Variants in SLC9A7 observed in about 807,000 individuals in gnomAD.
SLC9A7 encodes sodium/hydrogen exchanger 7.
SLC9A7 carries 19 observed loss-of-function variants against 52.6 expected under a neutral mutation model. That is an observed-to-expected ratio of 0.36 (90% CI 0.25 to 0.53). SLC9A7 has a LOEUF of 0.53. SLC9A7 is among the 20% of genes least tolerant of loss of function. The pLI is 0.91. For missense variants in SLC9A7, 455 were observed against 597.9 expected, an observed-to-expected ratio of 0.76 and a Z score of 2.49; for synonymous variants, 226 against 252.1, an observed-to-expected ratio of 0.90 and a Z score of 0.98.
At chrX:46,748,404 GA>G (rs1921972575) in intron 1 of SLC9A7, among the ~76,000 whole-genome samples, 1 of 105,295 alleles carries the variant, frequency 9.5e-6, no homozygotes, top group Non-Finnish European at 2.0e-5. Flanking sequence ...AGGAAGGAAG[GA>G]AGGAAGGAAG....
intron 1 of SLC9A7, among the ~76,000 whole-genome samples, chrX:46,731,297 A>T (rs1377950599): frequency 9.8e-6 from 1 of 101,858 alleles, no homozygotes; most frequent in Non-Finnish European, 2.0e-5. Context: ...CAGGCATCTT[A>T]AAAAAAAAAA....
chrX:46,612,067 T>C (rs1472252157), intron 16 of SLC9A7, among the ~76,000 whole-genome samples: 1 of 111,966 alleles, frequency 8.9e-6, no homozygotes, highest in Non-Finnish European at 1.9e-5. Context: ...TGTGAAGACC[T>C]GCATGAGGGT....
chrX:46,647,488 G>C (rs1481061977), intron 11 of SLC9A7, among the ~76,000 whole-genome samples: 4 of 112,721 alleles, frequency 3.5e-5, no homozygotes, highest in Non-Finnish European at 5.6e-5. Context: ...CTAGCTAAAA[G>C]GCCACTCCCT....
intron 13 of SLC9A7, among the ~76,000 whole-genome samples, chrX:46,632,490 G>C (rs1943238196): frequency 9.0e-6 from 1 of 111,621 alleles, no homozygotes; most frequent in African/African-American, 3.3e-5. Flanking sequence ...CCCAACATCT[G>C]AATGGCCTAT....
At chrX:46,657,588 A>G (rs1283277573) in intron 7 of SLC9A7, among the ~76,000 whole-genome samples, 1 of 107,834 alleles carries the variant, frequency 9.3e-6, no homozygotes, top group Non-Finnish European at 1.9e-5. Flanking sequence ...CTCTGATAAA[A>G]CAGACTTTAA....
In SLC9A7 at chrX:46,656,627, GGAA is replaced by G. The variant is rs1410951597; in HGVS notation, c.1042-2916_1042-2914del. On this transcript the variant is annotated intron_variant, in intron 7 of 16. Transcript: ENST00000616978. ...AACTGGAAGAAAGGGTATCAGTGAT[GGAA>G]GATGAAATGAATGAAATGAAGCGAG... Among the ~76,000 whole-genome samples, 4 of 111,922 alleles carry G rather than the reference GGAA, an allele frequency of 3.6e-5. No homozygotes were observed. In the Admixed American group the frequency reaches 3.8e-4, roughly 11 times the overall value.
intron 1 of SLC9A7, among the ~76,000 whole-genome samples, chrX:46,718,173 C>A (rs1223855218): frequency 1.1e-3 from 124 of 111,439 alleles, no homozygotes; most frequent in South Asian, 4.2e-3. Flanking sequence ...CTTTGACAAA[C>A]CTGACGAAAA....
intron 14 of SLC9A7, among the ~76,000 whole-genome samples, chrX:46,630,790 A>T (rs902394758): frequency 3.6e-5 from 4 of 112,623 alleles, no homozygotes; most frequent in African/African-American, 1.3e-4. Context: ...ATTTCTAAGC[A>T]ATAGAAAGCC....
At chrX:46,698,559 T>C (rs1050596028) in intron 1 of SLC9A7, among the ~76,000 whole-genome samples, 1 of 111,570 alleles carries the variant, frequency 9.0e-6, no homozygotes, top group Non-Finnish European at 1.9e-5. Flanking sequence ...ATAATAAAAG[T>C]TTGTCATTTA....
chrX:46,725,392 T>G (rs1944927411), intron 1 of SLC9A7: 1 of 1,194,483 alleles, frequency 8.4e-7, no homozygotes. Context: ...TGGATTTCAT[T>G]TGCATCTTCC....
intron 1 of SLC9A7, among the ~76,000 whole-genome samples, chrX:46,696,023 T>C (rs1365792935): frequency 4.5e-5 from 5 of 110,766 alleles, no homozygotes; most frequent in African/African-American, 1.3e-4. Context: ...TCTCACTCTC[T>C]TGCCCAAGCT....
chrX:46,651,832 GAAAAAAAA>G (rs1211578593), intron 8 of SLC9A7, among the ~76,000 whole-genome samples: 2 of 44,410 alleles, frequency 4.5e-5, no homozygotes, highest in African/African-American at 8.4e-5. Flanking sequence ...TTTCTCAAAA[GAAAAAAAA>G]AAAAAAAGAA....
intron 14 of SLC9A7, among the ~76,000 whole-genome samples, chrX:46,622,539 T>TA (rs1270741488): frequency 8.9e-6 from 1 of 111,861 alleles, no homozygotes; most frequent in Non-Finnish European, 1.9e-5. Flanking sequence ...GGAAGGATAC[T>TA]ATTAAACCAT....
Position 46,758,942 on chromosome X carries a change from CCAGCAGCAGCGGCAGCAG to C in SLC9A7, c.70_87del (p.Leu24_Leu29del). 9.1e-7 allele frequency: 1 copy of C among 1,098,066 alleles called. No homozygotes were observed. The highest frequency in any genetic ancestry group is 1.9e-5 in the African/African-American group (1 of 52,637). The allele number at this position is 1,098,066 out of a possible 1,213,427, so 90.5% of individuals were successfully genotyped here. A position where few individuals can be genotyped will look rare whatever the true frequency, so the allele number is the denominator to read the frequency against. On this transcript the variant is annotated inframe_deletion, in exon 1 of 17. Coordinates refer to ENST00000616978, the MANE Select transcript of SLC9A7 (RefSeq NM_001257291.2). ...GCGGCCGCGACTCGCAGCCCCCAACCCAGCAGCAGCGGCAGCAGCAGCAGCCGCGGCGGCGGCGCCCCG... is the reference window on the plus strand; with the variant it reads ...GCGGCCGCGACTCGCAGCCCCCAACCCAGCAGCCGCGGCGGCGGCGCCCCG...
chrX:46,616,986 A>T (rs1942963952), intron 15 of SLC9A7, among the ~76,000 whole-genome samples: 1 of 110,952 alleles, frequency 9.0e-6, no homozygotes, highest in African/African-American at 3.3e-5. Context: ...AGCTAAGGGA[A>T]TTTTTCTTCC....
intron 1 of SLC9A7, among the ~76,000 whole-genome samples, chrX:46,726,837 T>C (rs1474434632): frequency 1.8e-5 from 2 of 111,346 alleles, no homozygotes; most frequent in African/African-American, 6.5e-5. Context: ...CCACGGATGA[T>C]AGGCAAGATG....
intron 13 of SLC9A7, among the ~76,000 whole-genome samples, chrX:46,633,835 C>A (rs1436319454): frequency 1.8e-5 from 2 of 109,987 alleles, no homozygotes; most frequent in Admixed American, 1.9e-4. Context: ...CCATGCCTGG[C>A]TAATTTTTGT....
At chrX:46,677,240 G>A (rs773676052) in intron 3 of SLC9A7, among the ~76,000 whole-genome samples, 2 of 111,970 alleles carry the variant, frequency 1.8e-5, no homozygotes, top group Non-Finnish European at 3.8e-5. Context: ...TAGCCTCCAT[G>A]CTATGAGCGA....
intron 15 of SLC9A7, 31 bp from the exon 16 acceptor site, chrX:46,613,425 G>T: frequency 9.4e-7 from 1 of 1,063,829 alleles, no homozygotes; most frequent in Non-Finnish European, 1.3e-6. Context: ...AAAAATGGCT[G>T]CAAAGAAAAC....
Sources: allele counts gnomAD v4.1 joint callset (sites outside exome capture counted in the v4.1 genomes callset), GRCh38; gene constraint gnomAD v4.1.1; transcripts MANE v1.5; gene names NCBI Gene and HGNC (gene_info 2026-07-23, HGNC 2026-07-21).